The following NUP214 variants were observed in gnomAD, a reference collection of about 807,000 sequenced individuals.
NUP214 encodes nucleoporin 214, also known as nuclear pore complex protein Nup214.
A neutral mutation model predicts 196.2 loss-of-function variants in NUP214; 79 were observed. That is an observed-to-expected ratio of 0.40 (90% CI 0.34 to 0.49). NUP214 has a LOEUF of 0.49. NUP214 is among the 20% of genes least tolerant of loss of function. The pLI, the probability that NUP214 is intolerant of heterozygous loss-of-function variation, is 0.58. For synonymous variants in NUP214, 1,020 were observed against 990.5 expected, an observed-to-expected ratio of 1.03 and a Z score of -0.56; for missense variants, 2,468 against 2,539.0, an observed-to-expected ratio of 0.97 and a Z score of 0.60.
At chr9:131,173,904 C>T (rs1365528462) in intron 21 of NUP214, 151 bp from the exon 22 acceptor site, 5 of 1,034,682 alleles carry the variant, frequency 4.8e-6, no homozygotes, top group Admixed American at 2.8e-5. Flanking sequence ...TTTTTGTTCA[C>T]ATTTGACAAT....
At chr9:131,139,557 G>T in intron 10 of NUP214, 150 bp downstream of exon 10, 1 of 1,147,972 alleles carries the variant, frequency 8.7e-7, no homozygotes, top group Non-Finnish European at 1.2e-6. Flanking sequence ...GTGATAACAG[G>T]CTGCGTTGTG....
At chr9:131,199,607 C>A (rs1833890502) in intron 29 of NUP214, among the ~76,000 whole-genome samples, 1 of 152,214 alleles carries the variant, frequency 6.6e-6, no homozygotes, top group African/African-American at 2.4e-5. Flanking sequence ...GACAGTGAAA[C>A]CTAATTCTTC....
chr9:131,145,768 A>G (rs1209993268), intron 12 of NUP214, among the ~76,000 whole-genome samples: 2 of 152,202 alleles, frequency 1.3e-5, no homozygotes, highest in African/African-American at 2.4e-5. Flanking sequence ...TTCCTTGGTA[A>G]GAGAAAGTAC....
intron 17 of NUP214, among the ~76,000 whole-genome samples, chr9:131,154,422 G>GTCTA (rs548911986): frequency 3.3e-5 from 5 of 151,866 alleles, no homozygotes; most frequent in African/African-American, 9.7e-5. Flanking sequence ...GTATCATTCT[G>GTCTA]TCTATCTATC....
chr9:131,170,360 G>A (rs933058991), intron 21 of NUP214, among the ~76,000 whole-genome samples: 5 of 152,056 alleles, frequency 3.3e-5, no homozygotes, highest in Non-Finnish European at 5.9e-5. Flanking sequence ...AGCCTTCAAA[G>A]GAAAGTTGAG....
intron 27 of NUP214, among the ~76,000 whole-genome samples, chr9:131,194,754 C>A (rs1289293428): frequency 1.3e-5 from 2 of 152,148 alleles, no homozygotes; most frequent in Non-Finnish European, 2.9e-5. Context: ...CCATTGTTTT[C>A]CCTAGCAGTG....
chr9:131,201,557 C>G, intron 29 of NUP214, 90 bp from the exon 30 acceptor site: 1 of 971,310 alleles, frequency 1.0e-6, no homozygotes, highest in Non-Finnish European at 1.6e-6. Flanking sequence ...GAGCGAGACT[C>G]TGCCTCAAAA....
At chr9:131,131,281 G>T (rs1244168240) in intron 5 of NUP214, among the ~76,000 whole-genome samples, 1 of 152,230 alleles carries the variant, frequency 6.6e-6, no homozygotes, top group Non-Finnish European at 1.5e-5. Context: ...AGGTCTGTTT[G>T]TCTAACTATG....
Position 131,136,013 on chromosome 9 carries a change from C to A in NUP214, c.1005+7C>A, listed in dbSNP as rs1362619388. ...TGCTCGACAAAGTGATCAGGTAAATCTCTTTTTTGTCACTTCTGTGGTGCT... is the reference window on the plus strand; with the variant it reads ...TGCTCGACAAAGTGATCAGGTAAATATCTTTTTTGTCACTTCTGTGGTGCT... On this transcript the variant is annotated splice_region_variant and intron_variant, in intron 9 of 35. Transcript: ENST00000359428. 1 of 1,607,736 alleles carries A rather than the reference C, an allele frequency of 6.2e-7. No individual in the cohort carries two copies. The highest frequency in any genetic ancestry group is 8.5e-7 in the Non-Finnish European group (1 of 1,174,414).
intron 23 of NUP214, among the ~76,000 whole-genome samples, chr9:131,177,168 T>C (rs1166651227): frequency 6.6e-6 from 1 of 152,156 alleles, no homozygotes; most frequent in Non-Finnish European, 1.5e-5. Context: ...GAACTAACAT[T>C]AAACAGTGAT....
At chr9:131,201,056 A>G (rs1419429222) in intron 29 of NUP214, among the ~76,000 whole-genome samples, 1 of 149,900 alleles carries the variant, frequency 6.7e-6, no homozygotes, top group Non-Finnish European at 1.5e-5. Context: ...AATGTTAGCA[A>G]TGAAAAATGG....
chr9:131,181,595 G>A (rs1433162767), intron 24 of NUP214, among the ~76,000 whole-genome samples: 1 of 152,148 alleles, frequency 6.6e-6, no homozygotes, highest in African/African-American at 2.4e-5. Context: ...GTGATATTGA[G>A]CATCTTTTCA....
At chr9:131,184,170 A>G (rs1406304971) in intron 24 of NUP214, among the ~76,000 whole-genome samples, 1 of 150,138 alleles carries the variant, frequency 6.7e-6, no homozygotes, top group African/African-American at 2.5e-5. Flanking sequence ...AGCTGGGATT[A>G]CAGGTGTGCA....
rs537441915 is a variant in NUP214 at position 131,180,190 on chromosome 9, T to G, written c.3419+1780T>G. ...AACTTAAGAAATCTTGAAGAAACTT[T>G]CTGTTCCATTCTCCACAGAATTAGA... On this transcript the variant is annotated intron_variant, in intron 24 of 35. Coordinates refer to ENST00000359428, the MANE Select transcript of NUP214 (RefSeq NM_005085.4). Among the ~76,000 whole-genome samples, 3 of 152,386 alleles carry G rather than the reference T, an allele frequency of 2.0e-5. No homozygotes were observed. In the South Asian group the frequency reaches 6.2e-4, roughly 32 times the overall value.
At chr9:131,186,953 G>A (rs983519503) in intron 24 of NUP214, among the ~76,000 whole-genome samples, 1 of 152,142 alleles carries the variant, frequency 6.6e-6, no homozygotes, top group Admixed American at 6.6e-5. Flanking sequence ...GGAATTTCTC[G>A]TGGTCTACAA....
intron 32 of NUP214, among the ~76,000 whole-genome samples, chr9:131,225,322 G>A (rs1834691972): frequency 6.6e-6 from 1 of 152,232 alleles, no homozygotes; most frequent in African/African-American, 2.4e-5. Flanking sequence ...GGGAGACTGA[G>A]GTGGGAGGAT....
Position 131,144,402 on chromosome 9 carries a change from C to T in NUP214, c.1417C>T (p.Leu473Phe). 6.2e-7 allele frequency: 1 copy of T among 1,614,158 alleles called. No homozygotes were observed. The highest frequency in any genetic ancestry group is 8.5e-7 in the Non-Finnish European group (1 of 1,180,016). Reference protein sequence around the residue: ...PAAPIATFSLLPAGGAPTVFS... With the variant: ...PAAPIATFSLFPAGGAPTVFS... ...TGCTCCCATTGCCACTTTTTCTTTG[C>T]TTCCTGCTGGTGGAGCCCCCACTGT... The change falls in exon 12 of 36, where the codon CTT (leucine) becomes TTT (phenylalanine). Residue 473 changes from leucine (L) to phenylalanine (F), a missense_variant. Physicochemically the swap from Leu to Phe is conservative, Grantham distance 22. Transcript: ENST00000359428.
chr9:131,182,899 G>A (rs955717302), intron 24 of NUP214, among the ~76,000 whole-genome samples: 2 of 151,910 alleles, frequency 1.3e-5, no homozygotes, highest in South Asian at 4.2e-4. Context: ...CTTACATTAG[G>A]GTTTATAGTA....
intron 9 of NUP214, 66 bp downstream of exon 9, chr9:131,136,072 G>A (rs1036074160): frequency 2.2e-5 from 29 of 1,328,286 alleles, no homozygotes; most frequent in East Asian, 4.7e-5. Flanking sequence ...AGACAGTCTC[G>A]CTCTGTTGTC....
Sources: allele counts gnomAD v4.1 joint callset (sites outside exome capture counted in the v4.1 genomes callset), GRCh38; gene constraint gnomAD v4.1.1; transcripts MANE v1.5; gene names NCBI Gene and HGNC (gene_info 2026-07-23, HGNC 2026-07-21).